The following LATS2 variants were observed in gnomAD, a reference collection of about 807,000 sequenced individuals.
LATS2 encodes the protein large tumor suppressor kinase 2.
In LATS2, 24 loss-of-function variants were observed where a neutral mutation model predicts 76.0. The ratio of observed to expected loss-of-function variants is 0.32; its 90% CI spans 0.23 to 0.44. The LOEUF (loss-of-function observed/expected upper bound fraction) is 0.44, where lower values mean the gene tolerates loss of function less well. LATS2 is among the 20% of genes least tolerant of loss of function. The pLI, the probability that LATS2 is intolerant of heterozygous loss-of-function variation, is 1.00. For missense variants in LATS2, 1,286 were observed against 1,481.2 expected, an observed-to-expected ratio of 0.87 and a Z score of 2.16; for synonymous variants, 692 against 635.4, an observed-to-expected ratio of 1.09 and a Z score of -1.34.
Position 20,973,828 on chromosome 13 carries a change from G to A in LATS2, c.*1042C>T, listed in dbSNP as rs1869451157. On this transcript the variant is annotated 3_prime_UTR_variant, in exon 8 of 8. Coordinates refer to ENST00000382592, the MANE Select transcript of LATS2 (RefSeq NM_014572.3). ...AGGTAAGTAGTAGGGTCAGAGGTAT[G>A]GCATTCCACATACCAGCTCTACCAA... 1 of 230,508 alleles carries A rather than the reference G, an allele frequency of 4.3e-6. No individual in the cohort carries two copies. The highest frequency in any genetic ancestry group is 6.2e-5 in the East Asian group (1 of 16,110). The allele number at this position is 230,508 out of a possible 1,614,324, so 14.3% of individuals were successfully genotyped here.
chr13:21,007,588 G>C (rs1334131447), intron 2 of LATS2, among the ~76,000 whole-genome samples: 119 of 3,818 alleles, frequency 0.031, 34 homozygotes, highest in African/African-American at 0.084. Context: ...TATATATATA[G>C]TATATATATA....
At chr13:21,010,957 T>A (rs1485964896) in intron 2 of LATS2, among the ~76,000 whole-genome samples, 1 of 152,266 alleles carries the variant, frequency 6.6e-6, no homozygotes, top group African/African-American at 2.4e-5. Flanking sequence ...TTAGATTCTC[T>A]GGAATGTACC....
At chr13:21,016,978 CAAATCACTTATGAGAAAA>C (rs993722480) in intron 2 of LATS2, among the ~76,000 whole-genome samples, 1 of 152,178 alleles carries the variant, frequency 6.6e-6, no homozygotes, top group African/African-American at 2.4e-5. Flanking sequence ...ATTACAGCAT[CAAATCACTTATGAGAAAA>C]AAACATTCAT....
intron 2 of LATS2, among the ~76,000 whole-genome samples, chr13:21,021,378 C>A (rs1488052411): frequency 7.2e-6 from 1 of 139,660 alleles, no homozygotes; most frequent in Non-Finnish European, 1.5e-5. Context: ...GAGTCTCAGG[C>A]AGGAGAGCTG....
chr13:20,986,766 A>G (rs1870160914), intron 4 of LATS2, among the ~76,000 whole-genome samples: 3 of 152,252 alleles, frequency 2.0e-5, no homozygotes, highest in Admixed American at 2.0e-4. Context: ...AGGTCTTGAA[A>G]TGCTTCCAAC....
chr13:21,036,223 G>A lies in LATS2; in HGVS notation c.342+9462C>T, dbSNP rs547129446. 7.3e-5 allele frequency among the ~76,000 whole-genome samples: 11 copies of A among 151,642 alleles called. No homozygotes were observed. In the South Asian group the frequency reaches 2.3e-3, roughly 32 times the overall value. ...ATTTTTGTATTTTTAGTAGAGACAG[G>A]GTTTCATCATGTTGGCCAGGCTATT... is the stretch of plus-strand genomic sequence containing the variant. On this transcript the variant is annotated intron_variant, in intron 2 of 7. Coordinates refer to ENST00000382592, the MANE Select transcript of LATS2 (RefSeq NM_014572.3).
chr13:20,998,701 G>C lies in LATS2; in HGVS notation c.343-7297C>G, dbSNP rs936027402. 2.2e-4 allele frequency among the ~76,000 whole-genome samples: 34 copies of C among 152,212 alleles called. 1 individual carries two copies. The highest frequency in any genetic ancestry group is 2.2e-3 in the Admixed American group (33 of 15,288). ...CCCCTCCCCTGAGCGCGGCGCTCCC[G>C]GCGATCTTGGGCAGGTGGGGCCCCA... On this transcript the variant is annotated intron_variant, in intron 2 of 7. Coordinates refer to ENST00000382592, the MANE Select transcript of LATS2 (RefSeq NM_014572.3).
intron 1 of LATS2, among the ~76,000 whole-genome samples, chr13:21,055,550 A>G (rs994707073): frequency 1.7e-4 from 26 of 152,226 alleles, no homozygotes; most frequent in African/African-American, 6.3e-4. Flanking sequence ...CATGCCTTTA[A>G]TTTGGTCCTA....
chr13:21,058,011 A>G (rs1195252609), intron 1 of LATS2, among the ~76,000 whole-genome samples: 1 of 152,158 alleles, frequency 6.6e-6, no homozygotes, highest in Non-Finnish European at 1.5e-5. Context: ...GGACTTGTGT[A>G]ATTTGAAGGC....
intron 1 of LATS2, among the ~76,000 whole-genome samples, chr13:21,053,849 T>C (rs1005143037): frequency 3.3e-5 from 5 of 152,224 alleles, no homozygotes; most frequent in African/African-American, 9.6e-5. Flanking sequence ...ATTCCAGTTA[T>C]GTGAGTTACC....
At chr13:21,010,414 CA>C (rs1226755872) in intron 2 of LATS2, among the ~76,000 whole-genome samples, 1 of 152,102 alleles carries the variant, frequency 6.6e-6, no homozygotes, top group African/African-American at 2.4e-5. Context: ...GCAAAGCCCC[CA>C]CTCTACAGGC....
intron 2 of LATS2, among the ~76,000 whole-genome samples, chr13:21,021,384 A>T (rs538103820): frequency 7.1e-6 from 1 of 140,166 alleles, no homozygotes; most frequent in Non-Finnish European, 1.5e-5. Flanking sequence ...CAGGCAGGAG[A>T]GCTGCTTGAA....
At chr13:20,995,078 C>T (rs1870691248) in intron 2 of LATS2, among the ~76,000 whole-genome samples, 3 of 152,012 alleles carry the variant, frequency 2.0e-5, no homozygotes, top group African/African-American at 7.2e-5. Context: ...TTTGAGTGCC[C>T]GTTTCCTCAT....
intron 1 of LATS2, among the ~76,000 whole-genome samples, chr13:21,050,103 G>A (rs982052308): frequency 2.0e-5 from 3 of 150,784 alleles, no homozygotes; most frequent in African/African-American, 7.4e-5. Context: ...CTAGGCGACA[G>A]AGGGAGACTC....
intron 2 of LATS2, among the ~76,000 whole-genome samples, chr13:21,013,160 T>G (rs905546243): frequency 2.0e-5 from 3 of 152,262 alleles, no homozygotes; most frequent in Middle Eastern, 3.4e-3. Flanking sequence ...TTCTTGTATA[T>G]GAAGGTTCTC....
intron 2 of LATS2, among the ~76,000 whole-genome samples, chr13:21,020,956 A>G (rs542950360): frequency 6.6e-6 from 1 of 152,250 alleles, no homozygotes; most frequent in African/African-American, 2.4e-5. Context: ...TAAGCCACAC[A>G]TCCGTGGTTG....
chr13:20,974,715 T>C lies in LATS2; in HGVS notation c.*155A>G. On this transcript the variant is annotated 3_prime_UTR_variant, in exon 8 of 8. Coordinates refer to ENST00000382592, the MANE Select transcript of LATS2 (RefSeq NM_014572.3). The stretch of plus-strand genomic sequence containing the variant: ...GTCCTGTTTTCAAAAGTGTCCTGTT[T>C]GGGTTTTCTTGGTGAAGAGCAGAAT... The C allele has an allele frequency of 2.7e-6, 2 of 740,610 alleles. No individual in the cohort carries two copies. Among genetic ancestry groups the C allele is most frequent in the Non-Finnish European group, 4.3e-6 (2 of 467,558 alleles). 45.9% of individuals were successfully genotyped at this position (740,610 alleles called of 1,614,324 possible).
chr13:21,016,760 G>C (rs1054051001), intron 2 of LATS2, among the ~76,000 whole-genome samples: 2 of 152,152 alleles, frequency 1.3e-5, no homozygotes, highest in African/African-American at 4.8e-5. Context: ...CCAAGGGCAG[G>C]CAACTGATTT....
At chr13:20,975,386 C>T (rs761978716) in intron 7 of LATS2, 22 bp from the exon 8 acceptor site, 5 of 1,527,608 alleles carry the variant, frequency 3.3e-6, no homozygotes, top group Non-Finnish European at 4.4e-6. Flanking sequence ...ACAGAGCCAA[C>T]AGGTTAGTTT....
Sources: gnomAD v4.1 joint callset for allele counts (sites outside exome capture counted in the v4.1 genomes callset) on GRCh38, gnomAD v4.1.1 for gene constraint, MANE v1.5 for transcripts, NCBI Gene and HGNC (gene_info 2026-07-23, HGNC 2026-07-21) for gene names.